Variants in LRRC37A2 observed in about 807,000 individuals in gnomAD.
LRRC37A2 encodes leucine-rich repeat-containing protein 37A2.
Under a neutral mutation model 68.8 loss-of-function variants are expected in LRRC37A2, and 9 were observed. That is an observed-to-expected ratio of 0.13 (90% CI 0.08 to 0.23). The LOEUF (loss-of-function observed/expected upper bound fraction) is 0.23. LRRC37A2 is among the 10% of genes least tolerant of loss of function. The pLI, the probability that LRRC37A2 is intolerant of heterozygous loss-of-function variation, is 1.00. For synonymous variants in LRRC37A2, 63 were observed against 367.6 expected (o/e 0.17, Z 9.48); for missense variants, 168 against 950.4 (o/e 0.18, Z 10.82).
the LRRC37A2 span, among the ~76,000 whole-genome samples, chr17:46,915,642 G>A: frequency 6.6e-6 from 1 of 152,204 alleles, no homozygotes; most frequent in Non-Finnish European, 1.5e-5. Context: ...ACACTTTTGA[G>A]TGCTCTTCTT....
the LRRC37A2 span, chr17:46,884,985 T>C: frequency 2.3e-6 from 1 of 431,004 alleles, no homozygotes; most frequent in Non-Finnish European, 4.6e-6. Flanking sequence ...CCCTCTTTTA[T>C]ATTTCCTTAG....
At chr17:47,026,905 C>CTTTGTTTGTTTGTTTG in the LRRC37A2 span, among the ~76,000 whole-genome samples, 4 of 150,256 alleles carry the variant, frequency 2.7e-5, no homozygotes, top group Non-Finnish European at 4.4e-5. Flanking sequence ...AAATGTGAGA[C>CTTTGTTTGTTTGTTTG]TTTGTTTGTT....
rs368292048 is a variant in LRRC37A2 at position 46,540,201 on chromosome 17, A to G, written c.2932A>G (p.Thr978Ala). 89 of 1,606,036 alleles carry G rather than the reference A, an allele frequency of 5.5e-5. 3 individuals carry two copies. The African/African-American group carries it at 1.2e-3, about 22-fold the overall frequency. The change falls in exon 7 of 15, where the codon ACT (threonine) becomes GCT (alanine). Residue 978 changes from threonine (T) to alanine (A), a missense_variant. By Grantham distance (58) the Thr-to-Ala change is moderately conservative. Coordinates refer to ENST00000576629, the Ensembl canonical transcript of LRRC37A2. ...AATTCTCAATCACAATCCTCTGACA[A>G]CTGTTGAAGATCCGTATCTCTTTAA... is the stretch of plus-strand genomic sequence containing the variant.
chr17:46,816,492 CACA>C, the LRRC37A2 span, among the ~76,000 whole-genome samples: 1 of 151,114 alleles, frequency 6.6e-6, no homozygotes, highest in African/African-American at 2.4e-5. Flanking sequence ...CACACACACA[CACA>C]CACACACACA....
At chr17:46,789,185 C>T in the LRRC37A2 span, among the ~76,000 whole-genome samples, 2 of 152,198 alleles carry the variant, frequency 1.3e-5, no homozygotes, top group African/African-American at 4.8e-5. Context: ...GCCCATTCTC[C>T]TCTTTATGGG....
chr17:47,030,906 G>A, the LRRC37A2 span, among the ~76,000 whole-genome samples: 10 of 152,118 alleles, frequency 6.6e-5, no homozygotes, highest in African/African-American at 2.4e-4. Context: ...CCCAGCTGTG[G>A]TTGATCGATG....
At chr17:46,413,481 T>TACACAC in the LRRC37A2 span, among the ~76,000 whole-genome samples, 4 of 24,756 alleles carry the variant, frequency 1.6e-4, no homozygotes, top group East Asian at 5.4e-4. Context: ...TCTCTCTCTG[T>TACACAC]ACACACACAC....
the LRRC37A2 span, chr17:46,934,965 G>A: frequency 1.6e-5 from 23 of 1,465,244 alleles, no homozygotes; most frequent in South Asian, 1.8e-4. Flanking sequence ...AAAAGACAGA[G>A]CAGTGAGACC....
the LRRC37A2 span, chr17:46,872,906 G>C: frequency 9.0e-7 from 1 of 1,116,714 alleles, no homozygotes. Flanking sequence ...GCCCTAGCAC[G>C]GTCCCAAATG....
At chr17:46,911,238 G>C in the LRRC37A2 span, among the ~76,000 whole-genome samples, 85,108 of 152,094 alleles carry the variant, frequency 0.56, 24,455 homozygotes, top group Non-Finnish European at 0.63. Flanking sequence ...AAAGGGACCA[G>C]CTTGGAGAAT....
At chr17:47,020,102 C>T in the LRRC37A2 span, among the ~76,000 whole-genome samples, 2 of 151,012 alleles carry the variant, frequency 1.3e-5, no homozygotes, top group African/African-American at 2.5e-5. Context: ...TTACAGCAGC[C>T]TGTCCCTCTC....
the LRRC37A2 span, among the ~76,000 whole-genome samples, chr17:46,635,777 ATGTGTGTG>A: frequency 4.0e-3 from 463 of 116,794 alleles, 7 homozygotes; most frequent in Middle Eastern, 0.014. Context: ...GGGAAAATAA[ATGTGTGTG>A]TGTGTGTGTG....
the LRRC37A2 span, among the ~76,000 whole-genome samples, chr17:46,809,010 A>C: frequency 6.6e-6 from 1 of 152,312 alleles, no homozygotes; most frequent in South Asian, 2.1e-4. Flanking sequence ...ACCCCAGGTC[A>C]ACAGGCCCCA....
At chr17:46,487,549 GTCTC>G in the LRRC37A2 span, among the ~76,000 whole-genome samples, 9 of 60,990 alleles carry the variant, frequency 1.5e-4, 1 homozygote, top group East Asian at 2.8e-4. Flanking sequence ...ATCCTCCTCT[GTCTC>G]TCTCTCTCTC....
At chr17:47,047,495 G>A in the LRRC37A2 span, among the ~76,000 whole-genome samples, 4 of 147,272 alleles carry the variant, frequency 2.7e-5, no homozygotes, top group African/African-American at 1.0e-4. Flanking sequence ...AAAGGACCAA[G>A]ACAAAGGAAT....
the LRRC37A2 span, chr17:46,818,906 G>C: frequency 3.0e-5 from 14 of 473,492 alleles, no homozygotes; most frequent in African/African-American, 2.4e-4. Flanking sequence ...CAGCAAACTT[G>C]GGCAAAGCCC....
the LRRC37A2 span, chr17:46,755,722 A>ATTTTTTTT: frequency 1.0e-6 from 1 of 956,986 alleles, no homozygotes; most frequent in Non-Finnish European, 1.5e-6. Flanking sequence ...GCTTTTAGTG[A>ATTTTTTTT]TTTTTTTTTT....
the LRRC37A2 span, chr17:47,033,238 A>T: frequency 1.6e-6 from 1 of 610,906 alleles, no homozygotes; most frequent in Admixed American, 2.8e-5. Context: ...AAAAAAAAAA[A>T]AAAAAAAAAA....
chr17:46,818,383 TGGGCGGGTGGG>T, the LRRC37A2 span: 1 of 669,942 alleles, frequency 1.5e-6, no homozygotes, highest in African/African-American at 5.7e-5. Context: ...CCAGGAGGGG[TGGGCGGGTGGG>T]GGGCTGGAGG....
Sources: gnomAD v4.1 joint callset for allele counts (sites outside exome capture counted in the v4.1 genomes callset) on GRCh38, gnomAD v4.1.1 for gene constraint, MANE v1.5 for transcripts, NCBI Gene and HGNC (gene_info 2026-07-23, HGNC 2026-07-21) for gene names.